The following SHROOM4 variants were observed in gnomAD, a reference collection of about 807,000 sequenced individuals.
SHROOM4 encodes protein Shroom4.
SHROOM4 carries 17 observed loss-of-function variants against 80.3 expected under a neutral mutation model. The observed-to-expected ratio is 0.21, with a 90% CI of 0.14 to 0.32. The LOEUF (loss-of-function observed/expected upper bound fraction) is 0.32, where lower values mean the gene tolerates loss of function less well. Ranked by LOEUF, SHROOM4 falls within the 10% of genes least tolerant of loss-of-function variation. SHROOM4 has a pLI of 1.00. For missense variants in SHROOM4, 993 were observed against 1,140.3 expected, an observed-to-expected ratio of 0.87 and a Z score of 1.86; for synonymous variants, 400 against 437.5, an observed-to-expected ratio of 0.91 and a Z score of 1.07.
chrX:50,724,824 C>A (rs1375412506), intron 1 of SHROOM4, among the ~76,000 whole-genome samples: 1 of 111,631 alleles, frequency 9.0e-6, no homozygotes, highest in Admixed American at 9.5e-5. Flanking sequence ...ACAAAAGTTT[C>A]TAATTTTGAT....
At chrX:50,702,039 G>C (rs1325551628) in intron 1 of SHROOM4, among the ~76,000 whole-genome samples, 1 of 111,804 alleles carries the variant, frequency 8.9e-6, no homozygotes, top group Non-Finnish European at 1.9e-5. Context: ...ATAAGAAAAA[G>C]GCAAATAGCC....
rs1935464823 is a variant in SHROOM4 at position 50,774,576 on chromosome X, C to T, written c.117+39326G>A. On this transcript the variant is annotated intron_variant, in intron 1 of 8. Coordinates refer to ENST00000376020, the MANE Select transcript of SHROOM4 (RefSeq NM_020717.5). ...TGGCCAAAAATTAAGGATTATAATCCTCACCCACCAGGTGGCCATTTATAT... is the reference window on the plus strand; with the variant it reads ...TGGCCAAAAATTAAGGATTATAATCTTCACCCACCAGGTGGCCATTTATAT... 4.6e-5 allele frequency among the ~76,000 whole-genome samples: 5 copies of T among 109,106 alleles called. No individual in the cohort carries two copies. In the Middle Eastern group the frequency reaches 0.019, roughly 414 times the overall value. 94.7% of individuals were successfully genotyped at this position (109,106 alleles called of 115,157 possible).
intron 2 of SHROOM4, among the ~76,000 whole-genome samples, chrX:50,680,469 A>G (rs1557261704): frequency 9.0e-6 from 1 of 110,927 alleles, no homozygotes; most frequent in African/African-American, 3.3e-5. Context: ...AACTGATTAC[A>G]TTTTGTCACA....
intron 8 of SHROOM4, among the ~76,000 whole-genome samples, chrX:50,597,647 AT>A (rs1475404307): frequency 2.7e-5 from 3 of 111,156 alleles, no homozygotes; most frequent in Non-Finnish European, 5.7e-5. Context: ...GTTTTATGTA[AT>A]TAACATAAAC....
chrX:50,787,259 A>C (rs1557271159), intron 1 of SHROOM4, among the ~76,000 whole-genome samples: 1 of 110,267 alleles, frequency 9.1e-6, no homozygotes, highest in Non-Finnish European at 1.9e-5. Flanking sequence ...GGAGCTGAAG[A>C]ATATAATAAC....
chrX:50,599,419 A>T (rs935466513), intron 7 of SHROOM4, among the ~76,000 whole-genome samples: 2 of 111,382 alleles, frequency 1.8e-5, no homozygotes, highest in Admixed American at 1.9e-4. Context: ...GGGTGACTTG[A>T]CATTATTGAG....
At chrX:50,813,077 C>T (rs953405039) in intron 1 of SHROOM4, among the ~76,000 whole-genome samples, 6 of 110,721 alleles carry the variant, frequency 5.4e-5, no homozygotes, top group African/African-American at 1.6e-4. Context: ...CTCCTCTCTC[C>T]TGTCCTCAGC....
chrX:50,645,760 G>A, intron 2 of SHROOM4, among the ~76,000 whole-genome samples: 1 of 111,811 alleles, frequency 8.9e-6, no homozygotes, highest in Middle Eastern at 4.6e-3. Flanking sequence ...GATCAAGTAT[G>A]ACCTCCTGTG....
intron 2 of SHROOM4, among the ~76,000 whole-genome samples, chrX:50,689,399 A>G (rs1234603580): frequency 8.9e-6 from 1 of 112,014 alleles, no homozygotes; most frequent in African/African-American, 3.2e-5. Flanking sequence ...ATATGTCAAT[A>G]TACTGTACAT....
intron 5 of SHROOM4, among the ~76,000 whole-genome samples, chrX:50,621,105 C>G (rs1557251886): frequency 8.9e-6 from 1 of 111,945 alleles, no homozygotes; most frequent in African/African-American, 3.2e-5. Context: ...TGCGATTCTA[C>G]TGGTCCACTT....
intron 2 of SHROOM4, among the ~76,000 whole-genome samples, chrX:50,688,518 A>C (rs1385485060): frequency 1.8e-5 from 2 of 111,718 alleles, no homozygotes; most frequent in African/African-American, 6.5e-5. Context: ...GTGGAAGCTA[A>C]AAATATTGAT....
intron 1 of SHROOM4, among the ~76,000 whole-genome samples, chrX:50,805,185 C>A (rs782020210): frequency 1.8e-5 from 2 of 111,746 alleles, no homozygotes; most frequent in East Asian, 5.6e-4. Context: ...GATGGGGCTA[C>A]AGCCATAAGA....
chrX:50,805,714 G>A (rs1936213486), intron 1 of SHROOM4, among the ~76,000 whole-genome samples: 2 of 111,793 alleles, frequency 1.8e-5, no homozygotes, highest in South Asian at 7.5e-4. Flanking sequence ...TTGTCCCATG[G>A]AGGGTATGAG....
At chrX:50,703,403 G>A (rs1216056390) in intron 1 of SHROOM4, among the ~76,000 whole-genome samples, 2 of 111,513 alleles carry the variant, frequency 1.8e-5, no homozygotes, top group Admixed American at 9.5e-5. Flanking sequence ...CCCAGAGTTC[G>A]TGACACCTAC....
intron 1 of SHROOM4, among the ~76,000 whole-genome samples, chrX:50,739,660 A>G (rs1371822545): frequency 3.9e-5 from 4 of 101,362 alleles, no homozygotes; most frequent in African/African-American, 1.4e-4. Flanking sequence ...TAGAATGGCG[A>G]TCATTAAAAA....
At chrX:50,652,712 A>G (rs1175260703) in intron 2 of SHROOM4, among the ~76,000 whole-genome samples, 2 of 112,208 alleles carry the variant, frequency 1.8e-5, no homozygotes, top group African/African-American at 6.5e-5. Flanking sequence ...TAGGTCTAAC[A>G]TTTAAGTCTT....
In SHROOM4 at chrX:50,758,049, C is replaced by T. The variant is rs782237604; in HGVS notation, c.117+55853G>A. Among the ~76,000 whole-genome samples, 28 of 110,887 alleles carry T rather than the reference C, an allele frequency of 2.5e-4. No homozygotes were observed. The South Asian group carries it at 8.0e-3, about 32-fold the overall frequency. ...TTCTTAATTATTCCATTTTTTGATG[C>T]TATTGTGAATGAAAATGTTTTCTTA... On this transcript the variant is annotated intron_variant, in intron 1 of 8. Coordinates refer to ENST00000376020, the MANE Select transcript of SHROOM4 (RefSeq NM_020717.5).
chrX:50,613,794 T>A (rs781830467), intron 5 of SHROOM4, among the ~76,000 whole-genome samples: 10 of 112,318 alleles, frequency 8.9e-5, no homozygotes, highest in African/African-American at 2.9e-4. Flanking sequence ...TTTGGAACAT[T>A]ATTGTAAATT....
intron 5 of SHROOM4, among the ~76,000 whole-genome samples, chrX:50,618,314 T>C (rs1314853744): frequency 8.7e-3 from 7 of 809 alleles, no homozygotes; most frequent in African/African-American, 0.013. Context: ...CTTCCTTCCT[T>C]CCTTCCTTCC....
Sources: allele counts gnomAD v4.1 joint callset (sites outside exome capture counted in the v4.1 genomes callset), GRCh38; gene constraint gnomAD v4.1.1; transcripts MANE v1.5; gene names NCBI Gene and HGNC (gene_info 2026-07-23, HGNC 2026-07-21).